The following ACSM2A variants were observed in gnomAD, a reference collection of about 807,000 sequenced individuals.
The protein encoded by ACSM2A is acyl-CoA synthetase medium chain family member 2A.
Under a neutral mutation model 76.6 loss-of-function variants are expected in ACSM2A, and 72 were observed. The observed-to-expected ratio is 0.94, with a 90% CI of 0.78 to 1.14. The LOEUF is 1.14. Among genes scored for constraint, ACSM2A ranks in the 50% most tolerant of loss-of-function variants. The pLI is 0.00. For missense variants in ACSM2A, 684 were observed against 708.5 expected (o/e 0.97, Z 0.39); for synonymous variants, 249 against 255.9 (o/e 0.97, Z 0.26).
chr16:20,483,910 C>T (rs1700814), intron 13 of ACSM2A, among the ~76,000 whole-genome samples: 3 of 151,834 alleles, frequency 2.0e-5, no homozygotes, highest in African/African-American at 7.3e-5. Flanking sequence ...GGTCAGGTGT[C>T]TCTCTTTCAC....
At chr16:20,456,813 T>A (rs1720524406) in intron 1 of ACSM2A, among the ~76,000 whole-genome samples, 1 of 145,550 alleles carries the variant, frequency 6.9e-6, no homozygotes, top group African/African-American at 2.6e-5. Flanking sequence ...AGAGCAGAAC[T>A]AAATGAAATT....
chr16:20,470,079 T>A (rs1287193792), intron 4 of ACSM2A, among the ~76,000 whole-genome samples: 1 of 152,060 alleles, frequency 6.6e-6, no homozygotes, highest in Non-Finnish European at 1.5e-5. Flanking sequence ...TGCGCACTCA[T>A]GCGTGAAGAG....
At chr16:20,466,959 A>G (rs1321100584) in intron 3 of ACSM2A, among the ~76,000 whole-genome samples, 1 of 152,188 alleles carries the variant, frequency 6.6e-6, no homozygotes, top group Non-Finnish European at 1.5e-5. Flanking sequence ...GTTTCAGGAA[A>G]GAGCTATTAT....
At chr16:20,468,222 G>A (rs1215841935) in intron 3 of ACSM2A, among the ~76,000 whole-genome samples, 1 of 152,162 alleles carries the variant, frequency 6.6e-6, no homozygotes, top group Non-Finnish European at 1.5e-5. Context: ...AGAAACATTT[G>A]AGGATATTTA....
rs201744736 is a variant in ACSM2A at position 20,483,087 on chromosome 16, G to C, written c.1539G>C (p.Ser513=). 1.2e-6 allele frequency: 2 copies of C among 1,613,712 alleles called. No individual in the cohort carries two copies. The highest frequency in any genetic ancestry group is 1.7e-6 in the Non-Finnish European group (2 of 1,179,866). ...EVVKAFVVLA[S]QFLSHDPEQL... ...TGAAGGCATTTGTGGTCCTGGCCTC[G>C]CAGTTCCTGTCCCATGACCCAGAAC... Residue 513 remains serine (S), a synonymous_variant, in exon 13 of 14, where the codon TCG becomes TCC. Transcript: ENST00000573854.
At chr16:20,483,017 A>G (rs150202827) in intron 12 of ACSM2A, 41 bp from the exon 13 acceptor site, 9 of 1,608,292 alleles carry the variant, frequency 5.6e-6, no homozygotes, top group African/African-American at 1.3e-5. Flanking sequence ...AGATGACTAC[A>G]CACTCTAATC....
intron 10 of ACSM2A, among the ~76,000 whole-genome samples, chr16:20,479,421 C>G (rs1378036905): frequency 6.6e-6 from 1 of 152,182 alleles, no homozygotes; most frequent in Non-Finnish European, 1.5e-5. Context: ...ATCCTCCCAG[C>G]CACCCTATAA....
At chr16:20,477,308 C>G in intron 8 of ACSM2A, 61 bp from the exon 9 acceptor site, 9 of 1,568,356 alleles carry the variant, frequency 5.7e-6, no homozygotes, top group Non-Finnish European at 7.8e-6. Context: ...GAAATTTTTT[C>G]TTTTTCTGTG....
At chr16:20,465,064 A>T (rs960365729) in intron 2 of ACSM2A, among the ~76,000 whole-genome samples, 1 of 152,232 alleles carries the variant, frequency 6.6e-6, no homozygotes, top group Admixed American at 6.5e-5. Context: ...ATTTTCCAGA[A>T]GGTACATGTT....
In ACSM2A at chr16:20,477,500, C is replaced by T. The variant is rs377322303; in HGVS notation, c.1179+51C>T. 5.0e-5 allele frequency: 78 copies of T among 1,564,200 alleles called. No individual in the cohort carries two copies. In the East Asian group the frequency reaches 1.5e-3, roughly 30 times the overall value. ...GGAAGTTAGGGGAAACACTGATTTT[C>T]AGTGATTTATGTTTTCCATTGTTTA... On this transcript the variant is annotated intron_variant, in intron 9 of 13. Transcript: ENST00000573854.
intron 9 of ACSM2A, among the ~76,000 whole-genome samples, chr16:20,477,737 A>G (rs1348977771): frequency 6.6e-6 from 1 of 152,178 alleles, no homozygotes; most frequent in Non-Finnish European, 1.5e-5. Context: ...AATGGGGTGA[A>G]TCTTGACATA....
At chr16:20,483,022 C>G (rs1379746978) in intron 12 of ACSM2A, 36 bp from the exon 13 acceptor site, 13 of 1,611,726 alleles carry the variant, frequency 8.1e-6, no homozygotes, top group Non-Finnish European at 1.1e-5. Flanking sequence ...ACTACACACT[C>G]TAATCCCTTC....
intron 1 of ACSM2A, among the ~76,000 whole-genome samples, chr16:20,459,787 T>G (rs1407453320): frequency 6.6e-6 from 1 of 152,174 alleles, no homozygotes; most frequent in Non-Finnish European, 1.5e-5. Context: ...AGTGAATTGC[T>G]GGGAACAACT....
Position 20,471,230 on chromosome 16 carries a change from T to C in ACSM2A, c.740+14T>C. The stretch of plus-strand genomic sequence containing the variant: ...GATGGATGCTGGGTAAGCTGAGCTC[T>C]TTCTCTCTACAGAGAATTACATGAG... On this transcript the variant is annotated intron_variant, in intron 5 of 13. Transcript: ENST00000573854. 1.2e-6 allele frequency: 2 copies of C among 1,606,384 alleles called. No individual in the cohort carries two copies. The highest frequency in any genetic ancestry group is 2.2e-5 in the South Asian group (2 of 90,120).
chr16:20,455,005 CT>C (rs1297903926), intron 1 of ACSM2A, among the ~76,000 whole-genome samples: 5 of 150,358 alleles, frequency 3.3e-5, no homozygotes, highest in African/African-American at 1.2e-4. Flanking sequence ...GAAAAACACA[CT>C]GAAAAGCCTC....
intron 1 of ACSM2A, among the ~76,000 whole-genome samples, chr16:20,457,030 T>C (rs1458704676): frequency 9.9e-5 from 15 of 152,116 alleles, no homozygotes; most frequent in Non-Finnish European, 1.9e-4. Flanking sequence ...AACAGCTTTA[T>C]GCACATAAGC....
At chr16:20,469,292 C>G (rs1365586375) in intron 3 of ACSM2A, among the ~76,000 whole-genome samples, 1 of 152,116 alleles carries the variant, frequency 6.6e-6, no homozygotes, top group Non-Finnish European at 1.5e-5. Flanking sequence ...AATTTCTTTT[C>G]TTTGTCTCAG....
chr16:20,477,747 A>G (rs540823478), intron 9 of ACSM2A, among the ~76,000 whole-genome samples: 74 of 152,302 alleles, frequency 4.9e-4, no homozygotes, highest in African/African-American at 1.7e-3. Flanking sequence ...ATCTTGACAT[A>G]ATATTTTGTA....
chr16:20,458,472 G>C (rs187439978), intron 1 of ACSM2A, among the ~76,000 whole-genome samples: 3 of 143,842 alleles, frequency 2.1e-5, no homozygotes, highest in Non-Finnish European at 4.5e-5. Flanking sequence ...TATGGATATA[G>C]TATATGTATT....
Sources: allele counts gnomAD v4.1 joint callset (sites outside exome capture counted in the v4.1 genomes callset), GRCh38; gene constraint gnomAD v4.1.1; transcripts MANE v1.5; gene names NCBI Gene and HGNC (gene_info 2026-07-23, HGNC 2026-07-21).